The following GLT1D1 variants were observed in gnomAD, a reference collection of about 807,000 sequenced individuals.
GLT1D1 encodes the protein glycosyltransferase 1 domain containing 1.
In GLT1D1, 21 loss-of-function variants were observed where a neutral mutation model predicts 28.7. That is an observed-to-expected ratio of 0.73 (90% confidence interval 0.52 to 1.05). GLT1D1 has a LOEUF of 1.05. Ranked by LOEUF, GLT1D1 falls within the 50% of genes least tolerant of loss-of-function variation. The pLI is 0.00. For synonymous variants in GLT1D1, 147 were observed against 124.8 expected (o/e 1.18, Z -1.19); for missense variants, 343 against 330.6 (o/e 1.04, Z -0.29).
chr12:128,941,110 C>T (rs1875176042), intron 4 of GLT1D1, among the ~76,000 whole-genome samples: 1 of 152,174 alleles, frequency 6.6e-6, no homozygotes, highest in Non-Finnish European at 1.5e-5. Context: ...GTGTAACTCA[C>T]GTGGCATCGT....
intron 7 of GLT1D1, among the ~76,000 whole-genome samples, chr12:128,958,725 G>T (rs1356446541): frequency 8.8e-6 from 1 of 113,122 alleles, no homozygotes; most frequent in Non-Finnish European, 1.7e-5. Context: ...ACTGTGTATA[G>T]GCAACAGAGT....
At chr12:128,872,865 C>G (rs896798025) in intron 1 of GLT1D1, among the ~76,000 whole-genome samples, 1 of 151,510 alleles carries the variant, frequency 6.6e-6, no homozygotes, top group Non-Finnish European at 1.5e-5. Flanking sequence ...CTTTCTCTTT[C>G]TCTGTCTCTC....
At chr12:128,955,121 A>G (rs1031915519) in intron 6 of GLT1D1, among the ~76,000 whole-genome samples, 9 of 152,200 alleles carry the variant, frequency 5.9e-5, no homozygotes, top group African/African-American at 2.2e-4. Flanking sequence ...ATCTAGTGGA[A>G]CCAGGATTCA....
chr12:128,953,749 T>G (rs963386504), intron 6 of GLT1D1, among the ~76,000 whole-genome samples: 23 of 152,024 alleles, frequency 1.5e-4, no homozygotes, highest in African/African-American at 4.6e-4. Context: ...ATAGCTTTTT[T>G]TTTTTTTTGT....
chr12:128,935,546 A>T (rs1051126600), intron 4 of GLT1D1, among the ~76,000 whole-genome samples: 6 of 152,074 alleles, frequency 3.9e-5, no homozygotes, highest in African/African-American at 1.4e-4. Context: ...CTCAAAAAAA[A>T]AAAAAAAAAG....
intron 1 of GLT1D1, among the ~76,000 whole-genome samples, chr12:128,858,428 T>C (rs1010582002): frequency 6.6e-6 from 1 of 152,146 alleles, no homozygotes; most frequent in Non-Finnish European, 1.5e-5. Context: ...TCACAACACT[T>C]TGGGAGGCCA....
At chr12:128,899,145 G>T (rs1056978768) in intron 3 of GLT1D1, 91 bp from the exon 4 acceptor site, 1 of 899,176 alleles carries the variant, frequency 1.1e-6, no homozygotes, top group Non-Finnish European at 1.8e-6. Flanking sequence ...GTCTCACGTT[G>T]TCTCTCATAA....
At chr12:128,932,910 A>G (rs1323259745) in intron 4 of GLT1D1, among the ~76,000 whole-genome samples, 1 of 152,180 alleles carries the variant, frequency 6.6e-6, no homozygotes, top group African/African-American at 2.4e-5. Flanking sequence ...AGTGGATGAA[A>G]TAATTTGAGT....
At chr12:128,979,240 C>T (rs1880092335) in intron 7 of GLT1D1, among the ~76,000 whole-genome samples, 1 of 152,218 alleles carries the variant, frequency 6.6e-6, no homozygotes, top group Non-Finnish European at 1.5e-5. Flanking sequence ...TCACCACAAA[C>T]TCAGCAGCTT....
At chr12:128,920,875 G>C (rs1381307150) in intron 4 of GLT1D1, among the ~76,000 whole-genome samples, 2 of 152,202 alleles carry the variant, frequency 1.3e-5, no homozygotes, top group Non-Finnish European at 2.9e-5. Flanking sequence ...ATAAAAATAA[G>C]TTTGGCATTA....
At chr12:128,935,998 C>T (rs1874515753) in intron 4 of GLT1D1, among the ~76,000 whole-genome samples, 1 of 152,222 alleles carries the variant, frequency 6.6e-6, no homozygotes, top group Admixed American at 6.5e-5. Flanking sequence ...GACTTAACTG[C>T]TCTGTCCCTC....
chr12:128,854,399 G>A (rs1956158019), intron 1 of GLT1D1, among the ~76,000 whole-genome samples: 1 of 79,238 alleles, frequency 1.3e-5, no homozygotes, highest in African/African-American at 4.5e-5. Flanking sequence ...GAAGCCGTGT[G>A]TGTGTGTGTG....
chr12:128,930,281 C>G (rs889521346), intron 4 of GLT1D1: 8 of 152,168 alleles, frequency 5.3e-5, no homozygotes, highest in Admixed American at 2.6e-4. Context: ...TCTGGCTAAT[C>G]AAGAGAGAAG....
chr12:128,854,354 T>TG (rs1213114440), intron 1 of GLT1D1, among the ~76,000 whole-genome samples: 2 of 151,382 alleles, frequency 1.3e-5, no homozygotes, highest in Admixed American at 1.3e-4. Flanking sequence ...AGGCGAAGCC[T>TG]GGGAAGTGCC....
At chr12:128,944,881 G>T (rs899204572) in intron 4 of GLT1D1, 6 of 378,970 alleles carry the variant, frequency 1.6e-5, no homozygotes, top group East Asian at 5.1e-5. Context: ...ATGTGCCATG[G>T]TGGTTTGCTG....
chr12:128,869,058 G>C (rs905033542), intron 1 of GLT1D1, among the ~76,000 whole-genome samples: 1 of 152,120 alleles, frequency 6.6e-6, no homozygotes, highest in Non-Finnish European at 1.5e-5. Context: ...TAGTAGAGAC[G>C]GGGTTTCTCC....
At chr12:128,945,258 C>A (rs1366410695) in intron 4 of GLT1D1, 68 bp from the exon 9 acceptor site, 2 of 1,519,422 alleles carry the variant, frequency 1.3e-6, no homozygotes, top group African/African-American at 2.7e-5. Context: ...TGGCCTGGCC[C>A]GTGCTGGCCG....
intron 7 of GLT1D1, among the ~76,000 whole-genome samples, chr12:128,965,128 A>C (rs1055473856): frequency 6.6e-6 from 1 of 152,208 alleles, no homozygotes; most frequent in Non-Finnish European, 1.5e-5. Flanking sequence ...AAGGTAACTA[A>C]TCAGTTGACT....
At chr12:128,953,352 T>G (rs1876924755) in intron 6 of GLT1D1, among the ~76,000 whole-genome samples, 1 of 152,120 alleles carries the variant, frequency 6.6e-6, no homozygotes, top group African/African-American at 2.4e-5. Context: ...ATTATTTTAT[T>G]TTTTTGTAGA....
Sources: allele counts gnomAD v4.1 joint callset (sites outside exome capture counted in the v4.1 genomes callset), GRCh38; gene constraint gnomAD v4.1.1; transcripts MANE v1.5; gene names NCBI Gene and HGNC (gene_info 2026-07-23, HGNC 2026-07-21).